Variants in MAGI2 observed in about 807,000 individuals in gnomAD.
The protein encoded by MAGI2 is membrane-associated guanylate kinase, WW and PDZ domain-containing protein 2.
Under a neutral mutation model 133.3 loss-of-function variants are expected in MAGI2, and 35 were observed. The observed-to-expected ratio is 0.26, with a 90% CI of 0.20 to 0.35. The LOEUF (loss-of-function observed/expected upper bound fraction) is 0.35. MAGI2 is among the 10% of genes least tolerant of loss of function. MAGI2 has a pLI of 1.00. For missense variants in MAGI2, 1,636 were observed against 1,863.4 expected, an observed-to-expected ratio of 0.88 and a Z score of 2.25; for synonymous variants, 729 against 710.6, an observed-to-expected ratio of 1.03 and a Z score of -0.41.
chr7:79,072,764 A>G (rs547819655), intron 1 of MAGI2, among the ~76,000 whole-genome samples: 48 of 152,360 alleles, frequency 3.2e-4, no homozygotes, highest in African/African-American at 1.2e-3. Flanking sequence ...ATAGCAGCAA[A>G]GTTTTTGCAT....
At chr7:78,390,048 A>T (rs1380706309) in intron 6 of MAGI2, among the ~76,000 whole-genome samples, 1 of 152,200 alleles carries the variant, frequency 6.6e-6, no homozygotes, top group African/African-American at 2.4e-5. Flanking sequence ...GAATTTTCTT[A>T]GTTTAATTTT....
At chr7:79,406,633 A>C (rs1845824678) in intron 1 of MAGI2, among the ~76,000 whole-genome samples, 1 of 152,102 alleles carries the variant, frequency 6.6e-6, no homozygotes, top group Admixed American at 6.6e-5. Flanking sequence ...AAGGCAATAT[A>C]ATCATTTTTT....
At chr7:79,350,097 G>C (rs1292434614) in intron 1 of MAGI2, among the ~76,000 whole-genome samples, 1 of 152,048 alleles carries the variant, frequency 6.6e-6, no homozygotes, top group African/African-American at 2.4e-5. Context: ...GGCATTTTTA[G>C]GATTCACATT....
intron 2 of MAGI2, among the ~76,000 whole-genome samples, chr7:78,980,454 A>C (rs1226101367): frequency 5.3e-5 from 8 of 151,828 alleles, no homozygotes; most frequent in Non-Finnish European, 1.2e-4. Flanking sequence ...CACCAGTATC[A>C]AGGCTTGTCA....
chr7:78,673,945 T>C (rs321982), intron 2 of MAGI2, among the ~76,000 whole-genome samples: 38,374 of 152,096 alleles, frequency 0.25, 5,268 homozygotes, highest in East Asian at 0.54. Flanking sequence ...CACTTTGCTC[T>C]TATTGGACAT....
intron 2 of MAGI2, among the ~76,000 whole-genome samples, chr7:78,630,405 G>C (rs1159932497): frequency 8.3e-6 from 1 of 120,094 alleles, no homozygotes; most frequent in Non-Finnish European, 1.7e-5. Flanking sequence ...CTGACTTTTT[G>C]TGTTTAACTT....
intron 21 of MAGI2, among the ~76,000 whole-genome samples, chr7:78,030,731 A>G (rs1022024646): frequency 4.6e-5 from 7 of 152,234 alleles, no homozygotes; most frequent in African/African-American, 1.2e-4. Context: ...CACAACTGAA[A>G]ATAACTGGCA....
At chr7:78,435,116 G>A (rs1800155889) in intron 6 of MAGI2, among the ~76,000 whole-genome samples, 1 of 152,126 alleles carries the variant, frequency 6.6e-6, no homozygotes, top group Non-Finnish European at 1.5e-5. Context: ...TTCTGTGCTT[G>A]AGAATCCTGA....
intron 1 of MAGI2, among the ~76,000 whole-genome samples, chr7:79,118,324 A>C (rs557489222): frequency 3.2e-4 from 49 of 152,290 alleles, no homozygotes; most frequent in African/African-American, 1.0e-3. Flanking sequence ...TCTAGAAATA[A>C]TGTAGTACAA....
intron 6 of MAGI2, among the ~76,000 whole-genome samples, chr7:78,463,447 C>T (rs1790280352): frequency 6.6e-6 from 1 of 152,166 alleles, no homozygotes; most frequent in African/African-American, 2.4e-5. Context: ...TTTGTCTTCC[C>T]CACTTTCATT....
chr7:78,299,942 GA>G (rs1797688972), intron 9 of MAGI2, among the ~76,000 whole-genome samples: 1 of 151,992 alleles, frequency 6.6e-6, no homozygotes, highest in Non-Finnish European at 1.5e-5. Flanking sequence ...ATCACAAAAC[GA>G]GTAAAATTTT....
intron 2 of MAGI2, among the ~76,000 whole-genome samples, chr7:78,669,514 A>C (rs368346883): frequency 5.3e-4 from 80 of 151,498 alleles, no homozygotes; most frequent in African/African-American, 1.6e-3. Flanking sequence ...TGGTACCATT[A>C]CTTCTGAAAC....
At chr7:78,800,771 C>T (rs960914390) in intron 2 of MAGI2, among the ~76,000 whole-genome samples, 6 of 152,052 alleles carry the variant, frequency 3.9e-5, no homozygotes, top group Non-Finnish European at 8.8e-5. Flanking sequence ...GTAATGAATT[C>T]ACACTTAGTC....
At chr7:78,999,734 C>G (rs1161813669) in intron 2 of MAGI2, among the ~76,000 whole-genome samples, 1 of 152,128 alleles carries the variant, frequency 6.6e-6, no homozygotes, top group South Asian at 2.1e-4. Flanking sequence ...CTTGGTCTAG[C>G]CTCCCAGGCC....
intron 3 of MAGI2, among the ~76,000 whole-genome samples, chr7:78,609,411 A>G (rs528054727): frequency 2.0e-5 from 3 of 152,222 alleles, no homozygotes; most frequent in Non-Finnish European, 2.9e-5. Context: ...CCCAAATACT[A>G]TTACATACAG....
intron 1 of MAGI2, among the ~76,000 whole-genome samples, chr7:79,257,117 T>G (rs1374436820): frequency 1.3e-5 from 2 of 152,066 alleles, no homozygotes; most frequent in Non-Finnish European, 2.9e-5. Context: ...TATATATATT[T>G]CAAAACATCA....
Position 79,425,618 on chromosome 7 carries a change from A to G in MAGI2, c.301+27402T>C, listed in dbSNP as rs141912124. 1.3e-3 allele frequency among the ~76,000 whole-genome samples: 202 copies of G among 150,122 alleles called. 1 individual carries two copies. The highest frequency in any genetic ancestry group is 3.5e-3 in the Admixed American group (52 of 14,986). The stretch of plus-strand genomic sequence containing the variant: ...TATATATGTATATATATGTATATAT[A>G]CGTTTTGATTACATAACTACCATTG... On this transcript the variant is annotated intron_variant, in intron 1 of 21. Coordinates refer to ENST00000354212, the MANE Select transcript of MAGI2 (RefSeq NM_012301.4).
chr7:79,260,463 G>C (rs1834001253), intron 1 of MAGI2, among the ~76,000 whole-genome samples: 1 of 152,096 alleles, frequency 6.6e-6, no homozygotes. Context: ...AAGTAGGTTA[G>C]AGCTATAAGA....
chr7:78,183,515 C>T lies in MAGI2; in HGVS notation c.2311+2114G>A, dbSNP rs186753670. The stretch of plus-strand genomic sequence containing the variant: ...TCTTGAACTCGTGATCTGCCAGACT[C>T]GGCCTCCCAAAGTGCTGGGATTGCA... On this transcript the variant is annotated intron_variant, in intron 13 of 21. Transcript: ENST00000354212. Among the ~76,000 whole-genome samples, 561 of 152,112 alleles carry T rather than the reference C, an allele frequency of 3.7e-3. 2 individuals are homozygous for T. The highest frequency in any genetic ancestry group is 5.7e-3 in the Non-Finnish European group (386 of 67,988).
Sources: gnomAD v4.1 joint callset for allele counts (sites outside exome capture counted in the v4.1 genomes callset) on GRCh38, gnomAD v4.1.1 for gene constraint, MANE v1.5 for transcripts, NCBI Gene and HGNC (gene_info 2026-07-23, HGNC 2026-07-21) for gene names.